Variants in MIPEP observed in about 807,000 individuals in gnomAD.
The protein encoded by MIPEP is mitochondrial intermediate peptidase.
In MIPEP, 79 loss-of-function variants were observed where a neutral mutation model predicts 90.3. The observed-to-expected ratio is 0.87, with a 90% CI of 0.73 to 1.05. The LOEUF (loss-of-function observed/expected upper bound fraction) is 1.05. Among genes scored for constraint, MIPEP ranks in the 50% least tolerant of loss-of-function variants. The probability of loss-of-function intolerance (pLI) is 0.00; values close to 1 mark genes in which losing one functional copy is unlikely to be tolerated. For missense variants in MIPEP, 940 were observed against 905.6 expected, an observed-to-expected ratio of 1.04 and a Z score of -0.49; for synonymous variants, 334 against 315.8, an observed-to-expected ratio of 1.06 and a Z score of -0.61.
At position 23,831,384 on chromosome 13, in the gene MIPEP, G is replaced by GGGGGT. The variant is rs1593178701; in HGVS notation, c.1653+4855_1653+4856insACCCC. ...GGGGACAGCCTAGCTTCCCCATGGC[G>GGGGGT]GGGGGGGGATGTGGATGGGAATTGC... On this transcript the variant is annotated intron_variant, in intron 14 of 18. Transcript: ENST00000382172. Among the ~76,000 whole-genome samples, 3 of 26,000 alleles carry GGGGGT rather than the reference G, an allele frequency of 1.2e-4. No homozygotes were observed. In the South Asian group the frequency reaches 8.2e-3, roughly 71 times the overall value. 17.1% of individuals were successfully genotyped at this position (26,000 alleles called of 152,430 possible).
chr13:23,777,087 G>A (rs1952726816), intron 16 of MIPEP, among the ~76,000 whole-genome samples: 1 of 152,182 alleles, frequency 6.6e-6, no homozygotes, highest in South Asian at 2.1e-4. Flanking sequence ...AGAAGTCAAG[G>A]ATATAAAGGC....
At chr13:23,887,243 G>A (rs1186777459) in intron 1 of MIPEP, among the ~76,000 whole-genome samples, 1 of 152,148 alleles carries the variant, frequency 6.6e-6, no homozygotes. Context: ...TAATGGTAAT[G>A]ACCATTCTCT....
At chr13:23,802,426 G>C (rs1465120919) in intron 16 of MIPEP, among the ~76,000 whole-genome samples, 1 of 151,954 alleles carries the variant, frequency 6.6e-6, no homozygotes, top group Non-Finnish European at 1.5e-5. Context: ...AAATTAGGCA[G>C]GTATGGTGGC....
At position 23,809,718 on chromosome 13, in the gene MIPEP, T is replaced by C. The variant is rs1953151014; in HGVS notation, c.1728+132A>G. 1.3e-5 allele frequency: 8 copies of C among 617,834 alleles called. No individual in the cohort carries two copies. The South Asian group carries it at 1.5e-4, about 11-fold the overall frequency. The allele number at this position is 617,834 out of a possible 1,614,324, so 38.3% of individuals were successfully genotyped here. On this transcript the variant is annotated intron_variant, in intron 15 of 18. Transcript: ENST00000382172. The stretch of plus-strand genomic sequence containing the variant: ...AATGAGTCAATTTTGGTCAAGTTCT[T>C]TGAACTCAGATGAAAGATGTTTTAG...
At chr13:23,747,833 C>T (rs1226489851) in intron 18 of MIPEP, among the ~76,000 whole-genome samples, 6 of 152,176 alleles carry the variant, frequency 3.9e-5, no homozygotes, top group Non-Finnish European at 5.9e-5. Flanking sequence ...CTCTGCCTCC[C>T]GGGTTCAAGT....
intron 16 of MIPEP, among the ~76,000 whole-genome samples, chr13:23,783,679 C>T (rs1340670484): frequency 5.3e-5 from 8 of 152,188 alleles, no homozygotes; most frequent in African/African-American, 1.9e-4. Context: ...TTGCAGATGA[C>T]ATGATTGTAT....
intron 16 of MIPEP, among the ~76,000 whole-genome samples, chr13:23,796,981 C>CA (rs1291727182): frequency 1.3e-5 from 2 of 152,182 alleles, no homozygotes; most frequent in African/African-American, 4.8e-5. Context: ...AGTGATGTTT[C>CA]AAGCCACTAT....
At chr13:23,884,018 T>C (rs1392600943) in intron 2 of MIPEP, among the ~76,000 whole-genome samples, 1 of 152,038 alleles carries the variant, frequency 6.6e-6, no homozygotes, top group Non-Finnish European at 1.5e-5. Flanking sequence ...CATATAATCA[T>C]CTGAAAGGTG....
In MIPEP at chr13:23,858,917, A is replaced by G. The variant is rs1398356641; in HGVS notation, c.1054-5T>C. 2.5e-5 allele frequency: 41 copies of G among 1,612,004 alleles called. 1 individual carries two copies. Among genetic ancestry groups the G allele is most frequent in the Non-Finnish European group, 3.1e-5 (37 of 1,178,482 alleles). ...GGGGTCCCAGGGCATTACTTCCTAC[A>G]ATGGAATAATTCACTGTTAAGGAAA... On this transcript the variant is annotated splice_polypyrimidine_tract_variant and splice_region_variant and intron_variant, in intron 9 of 18. Transcript: ENST00000382172.
intron 7 of MIPEP, among the ~76,000 whole-genome samples, chr13:23,864,952 C>T (rs984474570): frequency 4.0e-5 from 6 of 151,676 alleles, no homozygotes; most frequent in Non-Finnish European, 8.8e-5. Context: ...CAATGTTTTT[C>T]TTGATAACAA....
At chr13:23,834,857 G>A (rs1310993398) in intron 14 of MIPEP, among the ~76,000 whole-genome samples, 1 of 151,856 alleles carries the variant, frequency 6.6e-6, no homozygotes, top group Non-Finnish European at 1.5e-5. Flanking sequence ...CACGTGGTAG[G>A]GTATGCCTCT....
At chr13:23,808,121 C>CA (rs1216788348) in intron 15 of MIPEP, among the ~76,000 whole-genome samples, 1 of 149,114 alleles carries the variant, frequency 6.7e-6, no homozygotes, top group East Asian at 2.0e-4. Flanking sequence ...TTTTTTGAGA[C>CA]AGAGTCTCGC....
At chr13:23,853,505 C>G (rs1283831513) in intron 10 of MIPEP, among the ~76,000 whole-genome samples, 1 of 151,462 alleles carries the variant, frequency 6.6e-6, no homozygotes, top group Non-Finnish European at 1.5e-5. Flanking sequence ...AGGCTATACC[C>G]TTAGGTTTGT....
intron 18 of MIPEP, among the ~76,000 whole-genome samples, chr13:23,754,003 T>A (rs1223394232): frequency 6.6e-6 from 1 of 152,218 alleles, no homozygotes; most frequent in Non-Finnish European, 1.5e-5. Flanking sequence ...AGGTGTTCTA[T>A]TTCTTTCCAT....
intron 14 of MIPEP, among the ~76,000 whole-genome samples, chr13:23,833,298 G>A (rs559402655): frequency 6.6e-6 from 1 of 152,286 alleles, no homozygotes; most frequent in Admixed American, 6.5e-5. Context: ...ACAAGAAGAG[G>A]CAAGCCCTTG....
chr13:23,843,814 C>T (rs1234718260), intron 10 of MIPEP, among the ~76,000 whole-genome samples: 1 of 152,178 alleles, frequency 6.6e-6, no homozygotes, highest in East Asian at 1.9e-4. Flanking sequence ...CGTCTCAGGA[C>T]TGTGTGAGTG....
At chr13:23,748,665 TCCTCCTAAGTC>T (rs563535795) in intron 18 of MIPEP, among the ~76,000 whole-genome samples, 78 of 152,324 alleles carry the variant, frequency 5.1e-4, no homozygotes, top group East Asian at 1.3e-3. Flanking sequence ...TGAAGGGGTT[TCCTCCTAAGTC>T]CCTCCTAAGT....
intron 4 of MIPEP, among the ~76,000 whole-genome samples, chr13:23,878,997 T>C (rs1468272043): frequency 1.3e-5 from 2 of 152,062 alleles, no homozygotes; most frequent in East Asian, 1.9e-4. Flanking sequence ...AGATAGATGA[T>C]AGACAAATAA....
At chr13:23,760,439 A>C (rs533836232) in intron 16 of MIPEP, 42 of 716,026 alleles carry the variant, frequency 5.9e-5, no homozygotes, top group Non-Finnish European at 9.9e-5. Flanking sequence ...ACCCAAAGCC[A>C]TACCTCAGAA....
Sources: allele counts gnomAD v4.1 joint callset (sites outside exome capture counted in the v4.1 genomes callset), GRCh38; gene constraint gnomAD v4.1.1; transcripts MANE v1.5; gene names NCBI Gene and HGNC (gene_info 2026-07-23, HGNC 2026-07-21).